SLC29A2: variants seen among roughly 807,000 people sequenced by gnomAD.
The protein encoded by SLC29A2 is equilibrative nucleoside transporter 2.
Under a neutral mutation model 48.8 loss-of-function variants are expected in SLC29A2, and 37 were observed. The observed-to-expected ratio is 0.76, with a 90% CI of 0.58 to 1.00. The LOEUF (loss-of-function observed/expected upper bound fraction) is 1.00, where lower values mean the gene tolerates loss of function less well. Among genes scored for constraint, SLC29A2 ranks in the 50% least tolerant of loss-of-function variants. The pLI, the probability that SLC29A2 is intolerant of heterozygous loss-of-function variation, is 0.00. For synonymous variants in SLC29A2, 233 were observed against 261.7 expected, an observed-to-expected ratio of 0.89 and a Z score of 1.06; for missense variants, 533 against 578.6, an observed-to-expected ratio of 0.92 and a Z score of 0.81.
Position 66,366,416 on chromosome 11 carries a change from G to C in SLC29A2, c.867+15C>G. 1 of 1,614,170 alleles carries C rather than the reference G, an allele frequency of 6.2e-7. No individual in the cohort carries two copies. Among genetic ancestry groups the C allele is most frequent in the Non-Finnish European group, 8.5e-7 (1 of 1,180,038 alleles). The stretch of plus-strand genomic sequence containing the variant: ...TCCCCAAAGATGGTGGTTGGGGGCT[G>C]TATCCAAGCCAAACCTTCTGGAAGA... On this transcript the variant is annotated intron_variant, in intron 8 of 11. Coordinates refer to ENST00000357440, the MANE Select transcript of SLC29A2 (RefSeq NM_001532.3).
rs1855849988 is a variant in SLC29A2 at position 66,368,669 on chromosome 11, A to C, written c.418T>G (p.Phe140Val). 6.3e-7 allele frequency: 1 copy of C among 1,595,818 alleles called. No individual in the cohort carries two copies. Among genetic ancestry groups the C allele is most frequent in the Non-Finnish European group, 8.5e-7 (1 of 1,171,310 alleles). The change falls in exon 5 of 12, where the codon TTC (phenylalanine) becomes GTC (valine). Residue 140 changes from phenylalanine to valine, a missense_variant and splice_region_variant. Physicochemically the swap from Phe to Val is conservative, Grantham distance 50. Transcript: ENST00000357440. Reference protein sequence around the residue: ...TMASVCFINSFSAVLQGSLFG... With the variant: ...TMASVCFINSVSAVLQGSLFG... Reference sequence around the variant, plus strand: ...AGGCTGCCCTGTAGGACTGCACTGAAGGCTGTGGAGGACAGGGATGGGGGC... The same window carrying C: ...AGGCTGCCCTGTAGGACTGCACTGACGGCTGTGGAGGACAGGGATGGGGGC...
At position 66,364,803 on chromosome 11, in the gene SLC29A2, G is replaced by A. The variant is rs532240442; in HGVS notation, c.1060-379C>T. On this transcript the variant is annotated intron_variant, in intron 10 of 11. Transcript: ENST00000357440. ...ATTACAGGCGTGAGCCACCATACCCGGCCTCTATTTTTTTCATTAAAAATT... is the reference window on the plus strand; with the variant it reads ...ATTACAGGCGTGAGCCACCATACCCAGCCTCTATTTTTTTCATTAAAAATT... The A allele has an allele frequency of 2.8e-3, 520 of 183,670 alleles. 4 individuals are homozygous for A. Among genetic ancestry groups the A allele is most frequent in the African/African-American group, 0.012 (463 of 39,610 alleles). The allele number at this position is 183,670 out of a possible 1,614,324, so 11.4% of individuals were successfully genotyped here.
Position 66,363,503 on chromosome 11 carries a change from GT to G in SLC29A2, c.1303del (p.Thr435ProfsTer97). On this transcript the variant is annotated frameshift_variant, in exon 12 of 12. Coordinates refer to ENST00000357440, the MANE Select transcript of SLC29A2 (RefSeq NM_001532.3). LOFTEE classifies it high-confidence loss of function. ...GGAAAGTCCCAGGGCCAGGAAGAAGGTCATGAGGGCGCCGGCCACCTCCCTC... is the reference window on the plus strand; with the variant it reads ...GGAAAGTCCCAGGGCCAGGAAGAAGGCATGAGGGCGCCGGCCACCTCCCTC... The part of the protein sequence containing the change: ...HEREVAGALM[T>X]FFLALGLSCG... 6.2e-7 allele frequency: 1 copy of G among 1,614,152 alleles called. No individual in the cohort carries two copies. Among genetic ancestry groups the G allele is most frequent in the Non-Finnish European group, 8.5e-7 (1 of 1,180,010 alleles).
In SLC29A2 at chr11:66,363,540, G is replaced by C; in HGVS notation, c.1267C>G (p.Leu423Val). The C allele has an allele frequency of 6.2e-7, 1 of 1,612,380 alleles. No homozygotes were observed. The highest frequency in any genetic ancestry group is 8.5e-7 in the Non-Finnish European group (1 of 1,179,038). ...LTMCLAPRQV[L>V]PHEREVAGAL... is the part of the protein sequence containing the mutation. ...CCGGCCACCTCCCTCTCGTGTGGCAGCACCTGCCTAGAACACCCGGGAACA... is the reference window on the plus strand; with the variant it reads ...CCGGCCACCTCCCTCTCGTGTGGCACCACCTGCCTAGAACACCCGGGAACA... Residue 423 changes from leucine to valine, a missense_variant, in exon 12 of 12, where the codon CTG (leucine) becomes GTG (valine). By Grantham distance (32) the Leu-to-Val change is conservative. Coordinates refer to ENST00000357440, the MANE Select transcript of SLC29A2 (RefSeq NM_001532.3).
chr11:66,368,793 A>G, intron 4 of SLC29A2, 122 bp from the exon 5 acceptor site: 3 of 1,327,628 alleles, frequency 2.3e-6, no homozygotes, highest in Non-Finnish European at 2.1e-6. Flanking sequence ...GAGCTTCCCT[A>G]GGGACTCTGA....
At chr11:66,365,861 C>T in intron 10 of SLC29A2, 75 bp downstream of exon 10, 2 of 1,392,166 alleles carry the variant, frequency 1.4e-6, no homozygotes, top group African/African-American at 2.8e-5. Context: ...AGAAAATCAC[C>T]TCCATGCTCT....
At chr11:66,364,158 G>T in intron 11 of SLC29A2, 67 bp downstream of exon 11, 1 of 1,319,482 alleles carries the variant, frequency 7.6e-7, no homozygotes, top group Non-Finnish European at 1.1e-6. Flanking sequence ...ATTGCAGGCG[G>T]TCCCTTCCCA....
chr11:66,364,503 C>CA, intron 10 of SLC29A2, 79 bp from the exon 11 acceptor site: 1 of 654,660 alleles, frequency 1.5e-6, no homozygotes, highest in Non-Finnish European at 2.5e-6. Flanking sequence ...CCATAGAGTA[C>CA]TTTTTTTTTT....
chr11:66,365,318 GAGGACCCAGCACTGGGGCC>G (rs1855619130), intron 10 of SLC29A2, among the ~76,000 whole-genome samples: 1 of 152,236 alleles, frequency 6.6e-6, no homozygotes, highest in South Asian at 2.1e-4. Context: ...GCCAGTGAGG[GAGGACCCAGCACTGGGGCC>G]TGGGCCAAGT....
intron 8 of SLC29A2, 36 bp from the exon 9 acceptor site, chr11:66,366,267 C>A (rs752894388): frequency 2.1e-5 from 33 of 1,600,238 alleles, no homozygotes; most frequent in African/African-American, 2.7e-5. Context: ...GCAGGCAGGG[C>A]AGTCCCAGGG....
Position 66,371,738 on chromosome 11 carries a change from T to G in SLC29A2, c.-147A>C. ...GGCGGCTGGAGTCGCACAGGTAGCC[T>G]CGGGCGGATTTCGGCGTGTCTCGCG... On this transcript the variant is annotated 5_prime_UTR_variant, in exon 1 of 12. Coordinates refer to ENST00000357440, the MANE Select transcript of SLC29A2 (RefSeq NM_001532.3). The G allele has an allele frequency of 1.3e-6, 1 of 745,660 alleles. No individual in the cohort carries two copies. The allele number at this position is 745,660 out of a possible 1,614,324, so 46.2% of individuals were successfully genotyped here.
In SLC29A2 at chr11:66,367,838, C is replaced by T. The variant is rs535362518; in HGVS notation, c.582G>A (p.Gly194=). Residue 194 remains glycine (G), a synonymous_variant, in exon 6 of 12, where the codon GGG becomes GGA. Coordinates refer to ENST00000357440, the MANE Select transcript of SLC29A2 (RefSeq NM_001532.3). ...SGVDAETSAL[G]YFITPCVGIL... ...TGCCCACACAGGGCGTGATAAAGTA[C>T]CCCAGGGCAGAGGTCTCGGCGTCCA... The T allele has an allele frequency of 5.6e-6, 9 of 1,614,048 alleles. No individual in the cohort carries two copies. The highest frequency in any genetic ancestry group is 1.3e-5 in the African/African-American group (1 of 74,922).
chr11:66,371,751 G>C lies in SLC29A2; in HGVS notation c.-160C>G. 1 of 675,760 alleles carries C rather than the reference G, an allele frequency of 1.5e-6. No homozygotes were observed. Among genetic ancestry groups the C allele is most frequent in the Middle Eastern group, 4.1e-4 (1 of 2,420 alleles). 41.9% of individuals were successfully genotyped at this position (675,760 alleles called of 1,614,324 possible). On this transcript the variant is annotated 5_prime_UTR_variant, in exon 1 of 12. Transcript: ENST00000357440. ...GCACAGGTAGCCTCGGGCGGATTTC[G>C]GCGTGTCTCGCGCTCCGCAGGCTGG...
Position 66,362,872 on chromosome 11 carries a change from G to A in SLC29A2, c.*564C>T, listed in dbSNP as rs1003823041. 4 of 178,718 alleles carry A rather than the reference G, an allele frequency of 2.2e-5. No homozygotes were observed. In the South Asian group the frequency reaches 5.0e-4, roughly 22 times the overall value. 11.1% of individuals were successfully genotyped at this position (178,718 alleles called of 1,614,324 possible). A position where few individuals can be genotyped will look rare whatever the true frequency, so the allele number is the denominator to read the frequency against. ...CACATGCAGGCTAGCTGTGGCCCTG[G>A]GGCCCAGGCCCAGCTGGGCTCTGCG... On this transcript the variant is annotated 3_prime_UTR_variant, in exon 12 of 12. Coordinates refer to ENST00000357440, the MANE Select transcript of SLC29A2 (RefSeq NM_001532.3).
intron 3 of SLC29A2, 57 bp from the exon 4 acceptor site, chr11:66,369,256 A>C: frequency 6.5e-7 from 1 of 1,528,612 alleles, no homozygotes; most frequent in Admixed American, 1.9e-5. Flanking sequence ...GGGCTGGGGA[A>C]GGAGGCTCGA....
chr11:66,363,495 GGAA>G lies in SLC29A2; in HGVS notation c.1309_1311del (p.Phe437del), dbSNP rs754664833. The G allele has an allele frequency of 1.2e-6, 2 of 1,614,196 alleles. No homozygotes were observed. Among genetic ancestry groups the G allele is most frequent in the Middle Eastern group, 1.7e-4 (1 of 6,060 alleles). ...GCTCCACAGGAAAGTCCCAGGGCCA[GGAA>G]GAAGGTCATGAGGGCGCCGGCCACC... is the stretch of plus-strand genomic sequence containing the variant. On this transcript the variant is annotated inframe_deletion, in exon 12 of 12. Coordinates refer to ENST00000357440, the MANE Select transcript of SLC29A2 (RefSeq NM_001532.3).
intron 6 of SLC29A2, 72 bp downstream of exon 6, chr11:66,367,700 C>G (rs1386301348): frequency 6.6e-7 from 1 of 1,525,656 alleles, no homozygotes; most frequent in Non-Finnish European, 9.1e-7. Flanking sequence ...CCTGGCCTCT[C>G]TCAGGGCCTC....
At chr11:66,363,991 C>T (rs904671013) in intron 11 of SLC29A2, among the ~76,000 whole-genome samples, 8 of 152,044 alleles carry the variant, frequency 5.3e-5, no homozygotes, top group African/African-American at 1.7e-4. Flanking sequence ...CACATTGAGG[C>T]GGCCCCAGAA....
chr11:66,367,919 C>T, intron 5 of SLC29A2, 50 bp from the exon 6 acceptor site: 1 of 1,472,154 alleles, frequency 6.8e-7, no homozygotes, highest in Non-Finnish European at 9.4e-7. Context: ...CCCGCCGGCT[C>T]CCACGGGGCT....
Sources: allele counts gnomAD v4.1 joint callset (sites outside exome capture counted in the v4.1 genomes callset), GRCh38; gene constraint gnomAD v4.1.1; transcripts MANE v1.5; gene names NCBI Gene and HGNC (gene_info 2026-07-23, HGNC 2026-07-21).